The following CSMD1 variants were observed in gnomAD, a reference collection of about 807,000 sequenced individuals.
CSMD1 encodes the protein CUB and Sushi multiple domains 1, also known as CUB and sushi domain-containing protein 1.
Under a neutral mutation model 417.5 loss-of-function variants are expected in CSMD1, and 213 were observed. The ratio of observed to expected loss-of-function variants is 0.51; its 90% CI spans 0.46 to 0.57. CSMD1 has a LOEUF of 0.57. Ranked by LOEUF, CSMD1 falls within the 20% of genes least tolerant of loss-of-function variation. The pLI is 0.00. For synonymous variants in CSMD1, 2,862 were observed against 1,736.8 expected, an observed-to-expected ratio of 1.65 and a Z score of -16.11; for missense variants, 6,923 against 4,529.7, an observed-to-expected ratio of 1.53 and a Z score of -15.17.
At chr8:3,294,357 C>T (rs531908050) in intron 25 of CSMD1, among the ~76,000 whole-genome samples, 5 of 152,314 alleles carry the variant, frequency 3.3e-5, no homozygotes, top group African/African-American at 9.6e-5. Flanking sequence ...AGCTGTCAGA[C>T]AGGGACATTT....
intron 54 of CSMD1, among the ~76,000 whole-genome samples, chr8:2,988,358 G>T (rs796193303): frequency 8.5e-5 from 13 of 152,094 alleles, no homozygotes; most frequent in African/African-American, 2.9e-4. Flanking sequence ...TGAAAGAAAA[G>T]AAAAAACAAT....
intron 6 of CSMD1, among the ~76,000 whole-genome samples, chr8:3,741,799 C>T (rs775646716): frequency 6.6e-6 from 1 of 152,166 alleles, no homozygotes; most frequent in African/African-American, 2.4e-5. Flanking sequence ...TATGACCCTC[C>T]ATGGCCCTTC....
chr8:4,534,351 G>A (rs564483487), intron 2 of CSMD1, among the ~76,000 whole-genome samples: 6 of 152,276 alleles, frequency 3.9e-5, no homozygotes, highest in African/African-American at 1.4e-4. Context: ...AGCAATTTTT[G>A]CTATAAACCT....
At chr8:4,709,139 T>C (rs1350197351) in intron 1 of CSMD1, among the ~76,000 whole-genome samples, 1 of 152,196 alleles carries the variant, frequency 6.6e-6, no homozygotes, top group Non-Finnish European at 1.5e-5. Flanking sequence ...CACATGGAAA[T>C]TCTGAACGAA....
chr8:4,035,205 C>T (rs955202288), intron 3 of CSMD1, among the ~76,000 whole-genome samples: 3 of 152,084 alleles, frequency 2.0e-5, no homozygotes, highest in African/African-American at 7.2e-5. Context: ...GTAGTGCCAG[C>T]TATGATGCAC....
intron 5 of CSMD1, among the ~76,000 whole-genome samples, chr8:3,951,249 C>T (rs1051670945): frequency 6.6e-6 from 1 of 152,166 alleles, no homozygotes; most frequent in African/African-American, 2.4e-5. Context: ...CTGACGGTGA[C>T]TGAGGCCAGA....
chr8:4,265,250 A>G (rs1333944569), intron 3 of CSMD1, among the ~76,000 whole-genome samples: 10 of 152,120 alleles, frequency 6.6e-5, no homozygotes, highest in Admixed American at 2.0e-4. Context: ...ATTTTATGCT[A>G]TATTTTATGG....
intron 5 of CSMD1, among the ~76,000 whole-genome samples, chr8:3,858,918 G>T (rs62482682): frequency 6.6e-6 from 1 of 152,080 alleles, no homozygotes; most frequent in African/African-American, 2.4e-5. Flanking sequence ...AAATGGATTT[G>T]GCGAGTTGGT....
intron 1 of CSMD1, among the ~76,000 whole-genome samples, chr8:4,985,147 G>C (rs1811108144): frequency 6.6e-6 from 1 of 152,132 alleles, no homozygotes; most frequent in Admixed American, 6.6e-5. Flanking sequence ...ACTTATAAGT[G>C]GGAGCAAAAT....
chr8:4,277,770 C>T (rs1379015446), intron 3 of CSMD1, among the ~76,000 whole-genome samples: 3 of 152,194 alleles, frequency 2.0e-5, no homozygotes, highest in Admixed American at 2.0e-4. Context: ...TTTTCTGAGA[C>T]GGAGTCTCAC....
rs184164990 is a variant in CSMD1 at position 4,701,903 on chromosome 8, G to A, written c.86-64345C>T. On this transcript the variant is annotated intron_variant, in intron 1 of 69. Transcript: ENST00000635120. ...ACTGGATAAAGAACATGTGGCACAC[G>A]TACACTGTGGAATACTATGCAGCCA... Among the ~76,000 whole-genome samples, 8 of 152,254 alleles carry A rather than the reference G, an allele frequency of 5.3e-5. No individual in the cohort carries two copies. In the East Asian group the frequency reaches 7.7e-4, roughly 15 times the overall value.
At chr8:4,640,519 G>C (rs1436728643) in intron 1 of CSMD1, among the ~76,000 whole-genome samples, 2 of 152,074 alleles carry the variant, frequency 1.3e-5, no homozygotes, top group Non-Finnish European at 2.9e-5. Flanking sequence ...TTTTCTCTTG[G>C]ATCTTATACT....
At chr8:3,810,681 A>G (rs996548201) in intron 5 of CSMD1, among the ~76,000 whole-genome samples, 2 of 152,182 alleles carry the variant, frequency 1.3e-5, no homozygotes, top group African/African-American at 4.8e-5. Context: ...TCTGGGATAG[A>G]ATAGAAGGAA....
chr8:3,439,499 GTGTGTGTC>G (rs1173451323), intron 12 of CSMD1, among the ~76,000 whole-genome samples: 15 of 148,728 alleles, frequency 1.0e-4, no homozygotes, highest in African/African-American at 9.9e-5. Context: ...GTATCTGTGT[GTGTGTGTC>G]TGTGTGTGTG....
chr8:3,930,691 C>A (rs1584985481), intron 5 of CSMD1, among the ~76,000 whole-genome samples: 2 of 150,276 alleles, frequency 1.3e-5, no homozygotes, highest in African/African-American at 2.5e-5. Context: ...GGCAAGTGTA[C>A]CCTTTCTGCA....
chr8:4,146,270 T>A (rs931086022), intron 3 of CSMD1, among the ~76,000 whole-genome samples: 1 of 151,010 alleles, frequency 6.6e-6, no homozygotes, highest in Non-Finnish European at 1.5e-5. Context: ...GAGGCAGTAA[T>A]TCGCGTAGTG....
chr8:3,324,344 A>G (rs980791290), intron 23 of CSMD1, among the ~76,000 whole-genome samples: 3 of 151,520 alleles, frequency 2.0e-5, no homozygotes, highest in Admixed American at 2.0e-4. Context: ...CACTGTTAAA[A>G]TAGACACACA....
intron 10 of CSMD1, among the ~76,000 whole-genome samples, chr8:3,558,902 G>C (rs1563153510): frequency 6.6e-6 from 1 of 152,164 alleles, no homozygotes; most frequent in Non-Finnish European, 1.5e-5. Flanking sequence ...TGTCTGAAAA[G>C]GAAAGCGTCC....
intron 22 of CSMD1, among the ~76,000 whole-genome samples, chr8:3,345,551 G>C (rs544797793): frequency 2.0e-5 from 3 of 152,256 alleles, no homozygotes; most frequent in South Asian, 4.2e-4. Flanking sequence ...AATTGGATGA[G>C]GAACAGGCTA....
Sources: gnomAD v4.1 joint callset for allele counts (sites outside exome capture counted in the v4.1 genomes callset) on GRCh38, gnomAD v4.1.1 for gene constraint, MANE v1.5 for transcripts, NCBI Gene and HGNC (gene_info 2026-07-23, HGNC 2026-07-21) for gene names.